ADAM10: variants seen among roughly 807,000 people sequenced by gnomAD.
ADAM10 encodes ADAM metallopeptidase domain 10, also known as disintegrin and metalloproteinase domain-containing protein 10.
ADAM10 carries 17 observed loss-of-function variants against 90.1 expected under a neutral mutation model. That is an observed-to-expected ratio of 0.19 (90% CI 0.13 to 0.28). The LOEUF (loss-of-function observed/expected upper bound fraction) is 0.28, where lower values mean the gene tolerates loss of function less well. ADAM10 is among the 10% of genes least tolerant of loss of function. The pLI is 1.00. For missense variants in ADAM10, 610 were observed against 914.3 expected (o/e 0.67, Z 4.29); for synonymous variants, 310 against 298.6 (o/e 1.04, Z -0.40).
chr15:58,712,688 C>T (rs1053563068), intron 2 of ADAM10, among the ~76,000 whole-genome samples: 1 of 146,004 alleles, frequency 6.8e-6, no homozygotes, highest in African/African-American at 2.5e-5. Context: ...TAGCCGGGAG[C>T]GGTGGTGGGC....
chr15:58,687,656 T>C (rs1469722267), intron 2 of ADAM10, among the ~76,000 whole-genome samples: 1 of 132,612 alleles, frequency 7.5e-6, no homozygotes, highest in Admixed American at 7.0e-5. Context: ...AACTCCATAC[T>C]TTTTAAAAAA....
At chr15:58,686,250 A>G (rs757954393) in intron 2 of ADAM10, among the ~76,000 whole-genome samples, 19 of 152,244 alleles carry the variant, frequency 1.2e-4, no homozygotes, top group Non-Finnish European at 2.5e-4. Context: ...CGAAGTTGTG[A>G]TCAAGCACAG....
chr15:58,715,373 T>A (rs1267126205), intron 2 of ADAM10, among the ~76,000 whole-genome samples: 1 of 147,966 alleles, frequency 6.8e-6, no homozygotes, highest in Non-Finnish European at 1.5e-5. Flanking sequence ...CAAGAGAGGA[T>A]CATTACACTC....
chr15:58,678,500 C>A (rs185322194), intron 4 of ADAM10, among the ~76,000 whole-genome samples: 1 of 152,194 alleles, frequency 6.6e-6, no homozygotes, highest in Admixed American at 6.5e-5. Context: ...TTCTGTGGTA[C>A]TTCAAAGAAG....
intron 11 of ADAM10, among the ~76,000 whole-genome samples, chr15:58,619,029 T>C (rs1453316263): frequency 1.3e-5 from 2 of 152,086 alleles, no homozygotes; most frequent in African/African-American, 2.4e-5. Context: ...AGTCAGTATA[T>C]AAAAGGGATA....
intron 8 of ADAM10, among the ~76,000 whole-genome samples, chr15:58,635,777 A>G (rs1173058688): frequency 3.5e-5 from 5 of 141,458 alleles, no homozygotes; most frequent in African/African-American, 5.5e-5. Context: ...TCCACACTTC[A>G]AATCTTTATC....
At chr15:58,722,436 G>C (rs555625259) in intron 1 of ADAM10, among the ~76,000 whole-genome samples, 4 of 151,830 alleles carry the variant, frequency 2.6e-5, no homozygotes, top group Non-Finnish European at 5.9e-5. Flanking sequence ...CTACCCAAGA[G>C]GCTGAGGGAG....
At chr15:58,738,082 C>T (rs1899489491) in intron 1 of ADAM10, among the ~76,000 whole-genome samples, 1 of 152,196 alleles carries the variant, frequency 6.6e-6, no homozygotes, top group South Asian at 2.1e-4. Flanking sequence ...GTAAGCTAAG[C>T]ATGGCATATT....
intron 10 of ADAM10, among the ~76,000 whole-genome samples, chr15:58,621,985 T>A (rs12915898): frequency 1.3e-5 from 2 of 151,298 alleles, no homozygotes; most frequent in African/African-American, 4.9e-5. Context: ...AAAAAAAAAA[T>A]TAAGCCTTTT....
At position 58,620,050 on chromosome 15, in the gene ADAM10, G is replaced by C. The variant is rs147287910; in HGVS notation, c.1511+1421C>G. Among the ~76,000 whole-genome samples, 1,429 of 152,066 alleles carry C rather than the reference G, an allele frequency of 9.4e-3. 21 individuals are homozygous for C. The highest frequency in any genetic ancestry group is 0.033 in the African/African-American group (1,354 of 41,472). ...TTAGGAAAAGGCTACAATGGAAAAT[G>C]GATTTAATATTAGGCAATTTATCAG... On this transcript the variant is annotated intron_variant, in intron 11 of 15. Coordinates refer to ENST00000260408, the MANE Select transcript of ADAM10 (RefSeq NM_001110.4).
rs746530428 is a variant in ADAM10 at position 58,589,339 on chromosome 15, G to A, written c.*8208C>T. The A allele has an allele frequency of 2.6e-5, 4 of 152,210 alleles. No homozygotes were observed. Among genetic ancestry groups the A allele is most frequent in the Non-Finnish European group, 5.9e-5 (4 of 68,038 alleles). The allele number at this position is 152,210 out of a possible 1,614,324, so 9.4% of individuals were successfully genotyped here. A position where few individuals can be genotyped will look rare whatever the true frequency, so the allele number is the denominator to read the frequency against. ...ACATCATTTCTAAAAGCTTGTGACAGCAGCTTGGACTAGTTAGAGCAAACT... is the reference window on the plus strand; with the variant it reads ...ACATCATTTCTAAAAGCTTGTGACAACAGCTTGGACTAGTTAGAGCAAACT... On this transcript the variant is annotated 3_prime_UTR_variant, in exon 16 of 16. Coordinates refer to ENST00000260408, the MANE Select transcript of ADAM10 (RefSeq NM_001110.4).
chr15:58,643,777 A>T (rs1013589802), intron 7 of ADAM10, 109 bp downstream of exon 7: 8 of 874,690 alleles, frequency 9.1e-6, no homozygotes, highest in Non-Finnish European at 1.5e-5. Context: ...ATTAAACTAA[A>T]CTACTTAATT....
intron 2 of ADAM10, among the ~76,000 whole-genome samples, chr15:58,712,837 C>G (rs368303870): frequency 6.6e-6 from 1 of 151,824 alleles, no homozygotes; most frequent in African/African-American, 2.4e-5. Flanking sequence ...AAAAAAAGAA[C>G]AAGACAGGAA....
At chr15:58,687,641 A>C (rs553197083) in intron 2 of ADAM10, among the ~76,000 whole-genome samples, 1 of 145,950 alleles carries the variant, frequency 6.9e-6, no homozygotes, top group Non-Finnish European at 1.5e-5. Context: ...CTATCTAACA[A>C]ACAAAACTCC....
intron 4 of ADAM10, among the ~76,000 whole-genome samples, chr15:58,669,164 C>T (rs1471120538): frequency 1.3e-5 from 2 of 152,152 alleles, no homozygotes; most frequent in African/African-American, 2.4e-5. Context: ...CATGCACTCT[C>T]AAGAGCTGTC....
intron 1 of ADAM10, among the ~76,000 whole-genome samples, chr15:58,741,386 A>G (rs1899608933): frequency 6.6e-6 from 1 of 152,202 alleles, no homozygotes; most frequent in South Asian, 2.1e-4. Context: ...CAAATTCACT[A>G]AACTTCTATA....
chr15:58,598,432 C>T (rs1055664118), intron 15 of ADAM10, among the ~76,000 whole-genome samples: 1 of 152,198 alleles, frequency 6.6e-6, no homozygotes, highest in Non-Finnish European at 1.5e-5. Context: ...ATCAAATTTC[C>T]TCTAACTCTC....
chr15:58,653,688 C>G (rs1226110993), intron 5 of ADAM10, among the ~76,000 whole-genome samples: 1 of 152,000 alleles, frequency 6.6e-6, no homozygotes, highest in Non-Finnish European at 1.5e-5. Flanking sequence ...TTTTTGCTGC[C>G]TTTATCTGCT....
At chr15:58,709,998 A>G (rs1898423094) in intron 2 of ADAM10, among the ~76,000 whole-genome samples, 1 of 152,100 alleles carries the variant, frequency 6.6e-6, no homozygotes, top group Non-Finnish European at 1.5e-5. Context: ...AACATGTAAA[A>G]TAGGCCAGGT....
Sources: gnomAD v4.1 joint callset for allele counts (sites outside exome capture counted in the v4.1 genomes callset) on GRCh38, gnomAD v4.1.1 for gene constraint, MANE v1.5 for transcripts, NCBI Gene and HGNC (gene_info 2026-07-23, HGNC 2026-07-21) for gene names.